The following SHOC2 variants were observed in gnomAD, a reference collection of about 807,000 sequenced individuals.
SHOC2 encodes leucine-rich repeat protein SHOC-2.
Under a neutral mutation model 50.2 loss-of-function variants are expected in SHOC2, and 4 were observed. The ratio of observed to expected loss-of-function variants is 0.08; its 90% CI spans 0.04 to 0.18. The LOEUF (loss-of-function observed/expected upper bound fraction) is 0.18, where lower values mean the gene tolerates loss of function less well. SHOC2 is among the 10% of genes least tolerant of loss of function. The pLI is 1.00. For missense variants in SHOC2, 388 were observed against 669.6 expected (o/e 0.58, Z 4.64); for synonymous variants, 218 against 244.5 (o/e 0.89, Z 1.01).
chr10:111,007,731 C>A, intron 6 of SHOC2, 78 bp downstream of exon 6: 1 of 1,404,128 alleles, frequency 7.1e-7, no homozygotes, highest in Non-Finnish European at 1.0e-6. Context: ...TTTAAATAAG[C>A]AATTTCTATT....
rs1277529060 is a variant in SHOC2 at position 111,007,904 on chromosome 10, A to G, written c.1284+251A>G. Among the ~76,000 whole-genome samples, 4 of 152,030 alleles carry G rather than the reference A, an allele frequency of 2.6e-5. No individual in the cohort carries two copies. In the East Asian group the frequency reaches 5.8e-4, roughly 22 times the overall value. On this transcript the variant is annotated intron_variant, in intron 6 of 8. Transcript: ENST00000369452. Reference sequence around the variant, plus strand: ...TGCCATAAAGTATTAATATCTCTAAAAGAAAAGTTCTGTAAAAGCATCTTT... The same window carrying G: ...TGCCATAAAGTATTAATATCTCTAAGAGAAAAGTTCTGTAAAAGCATCTTT...
chr10:111,001,759 C>T (rs948804718), intron 4 of SHOC2, among the ~76,000 whole-genome samples: 5 of 152,176 alleles, frequency 3.3e-5, no homozygotes, highest in Admixed American at 6.5e-5. Context: ...TAAGGTCAGG[C>T]GCTGTAGCTC....
intron 1 of SHOC2, among the ~76,000 whole-genome samples, chr10:110,963,440 A>G (rs1161423063): frequency 6.6e-6 from 1 of 152,216 alleles, no homozygotes; most frequent in Non-Finnish European, 1.5e-5. Flanking sequence ...TTATTAAAGT[A>G]CAGATTATTA....
intron 3 of SHOC2, among the ~76,000 whole-genome samples, chr10:110,997,031 G>C (rs1007497950): frequency 3.9e-5 from 6 of 152,210 alleles, no homozygotes; most frequent in Non-Finnish European, 2.9e-5. Flanking sequence ...TTTTTATTTT[G>C]TTCTTTATTT....
intron 1 of SHOC2, among the ~76,000 whole-genome samples, chr10:110,949,889 A>G (rs1378395766): frequency 6.6e-6 from 1 of 152,188 alleles, no homozygotes; most frequent in Non-Finnish European, 1.5e-5. Context: ...ACTTTGTGAT[A>G]AAAACTCAAC....
At position 111,009,293 on chromosome 10, in the gene SHOC2, C is replaced by T; in HGVS notation, c.1330C>T (p.Leu444Phe). 6.3e-7 allele frequency: 1 copy of T among 1,594,708 alleles called. No individual in the cohort carries two copies. The highest frequency in any genetic ancestry group is 8.6e-7 in the Non-Finnish European group (1 of 1,162,848). ...NNLLKKLPHG[L>F]GNLRKLRELD... ...TCTTCTAAAGAAGCTTCCCCATGGT[C>T]TTGGAAACCTTAGGAAGTTAAGAGA... Residue 444 changes from leucine to phenylalanine, a missense_variant, in exon 7 of 9, where the codon CTT becomes TTT. Transcript: ENST00000369452.
At chr10:110,949,121 T>C (rs1478155315) in intron 1 of SHOC2, among the ~76,000 whole-genome samples, 1 of 151,902 alleles carries the variant, frequency 6.6e-6, no homozygotes, top group Non-Finnish European at 1.5e-5. Context: ...CAGAAATAAA[T>C]GAAATAGGGA....
At chr10:110,922,522 ACT>A (rs1307441887) in intron 1 of SHOC2, among the ~76,000 whole-genome samples, 5 of 152,064 alleles carry the variant, frequency 3.3e-5, no homozygotes, top group Admixed American at 6.5e-5. Flanking sequence ...AAAGATACAA[ACT>A]CTATATGTAG....
intron 1 of SHOC2, among the ~76,000 whole-genome samples, chr10:110,923,475 G>A (rs1017110171): frequency 1.3e-5 from 2 of 151,998 alleles, no homozygotes; most frequent in Non-Finnish European, 2.9e-5. Flanking sequence ...GTTTATACAC[G>A]CAAAAGGATA....
At chr10:111,007,380 T>A in intron 5 of SHOC2, 151 bp from the exon 6 acceptor site, 1 of 855,896 alleles carries the variant, frequency 1.2e-6, no homozygotes, top group East Asian at 2.9e-5. Flanking sequence ...CTTAGAGTTT[T>A]CTGTTGCTGA....
chr10:110,956,248 G>A (rs538402140), intron 1 of SHOC2, among the ~76,000 whole-genome samples: 2 of 151,992 alleles, frequency 1.3e-5, no homozygotes, highest in South Asian at 4.2e-4. Context: ...GTGCAATGGC[G>A]CTCACTGCAC....
chr10:110,976,868 A>G (rs988517472), intron 2 of SHOC2, among the ~76,000 whole-genome samples: 1 of 151,754 alleles, frequency 6.6e-6, no homozygotes. Context: ...TTTTTTTTCT[A>G]TTATCTGAGT....
intron 1 of SHOC2, among the ~76,000 whole-genome samples, chr10:110,961,199 A>G (rs1316506314): frequency 6.6e-6 from 1 of 152,184 alleles, no homozygotes; most frequent in East Asian, 1.9e-4. Flanking sequence ...GAGACTGGGT[A>G]CTGTGTATTC....
chr10:110,977,755 A>C (rs959109916), intron 2 of SHOC2, among the ~76,000 whole-genome samples: 1 of 152,172 alleles, frequency 6.6e-6, no homozygotes, highest in Non-Finnish European at 1.5e-5. Context: ...ATTTAACCCC[A>C]CTACTAAGGT....
intron 1 of SHOC2, among the ~76,000 whole-genome samples, chr10:110,954,736 T>G (rs1310391667): frequency 6.6e-6 from 1 of 152,174 alleles, no homozygotes; most frequent in Non-Finnish European, 1.5e-5. Flanking sequence ...GGATAGATGG[T>G]CAGAGAAGGC....
At chr10:111,000,167 A>G (rs534423093) in intron 3 of SHOC2, among the ~76,000 whole-genome samples, 57 of 152,348 alleles carry the variant, frequency 3.7e-4, no homozygotes, top group African/African-American at 1.2e-3. Flanking sequence ...TACTTTATCT[A>G]ATCGTTCATT....
At chr10:110,948,194 A>T (rs555076229) in intron 1 of SHOC2, among the ~76,000 whole-genome samples, 1 of 152,338 alleles carries the variant, frequency 6.6e-6, no homozygotes. Flanking sequence ...ATATATATAC[A>T]CTCAACATCA....
intron 4 of SHOC2, among the ~76,000 whole-genome samples, chr10:111,003,186 T>C (rs977068670): frequency 1.3e-5 from 2 of 152,254 alleles, no homozygotes; most frequent in Non-Finnish European, 2.9e-5. Context: ...TTCCTTCAGA[T>C]GGCTTTGCCA....
intron 1 of SHOC2, among the ~76,000 whole-genome samples, chr10:110,953,263 C>G (rs1323201274): frequency 6.6e-6 from 1 of 152,182 alleles, no homozygotes; most frequent in African/African-American, 2.4e-5. Context: ...ACCATTCTGA[C>G]TGGCGTGAGA....
Sources: gnomAD v4.1 joint callset for allele counts (sites outside exome capture counted in the v4.1 genomes callset) on GRCh38, gnomAD v4.1.1 for gene constraint, MANE v1.5 for transcripts, NCBI Gene and HGNC (gene_info 2026-07-23, HGNC 2026-07-21) for gene names.